Variants in WNK1 observed in about 807,000 individuals in gnomAD.
The protein encoded by WNK1 is WNK lysine deficient protein kinase 1.
Under a neutral mutation model 222.8 loss-of-function variants are expected in WNK1, and 38 were observed. That is an observed-to-expected ratio of 0.17 (90% CI 0.13 to 0.22). WNK1 has a LOEUF of 0.22. WNK1 is among the 10% of genes least tolerant of loss of function. WNK1 has a pLI of 1.00. For synonymous variants in WNK1, 1,090 were observed against 1,092.9 expected, an observed-to-expected ratio of 1.00 and a Z score of 0.05; for missense variants, 2,348 against 2,918.4, an observed-to-expected ratio of 0.80 and a Z score of 4.50.
At chr12:849,853 T>C (rs1950292469) in intron 4 of WNK1, among the ~76,000 whole-genome samples, 1 of 152,160 alleles carries the variant, frequency 6.6e-6, no homozygotes, top group South Asian at 2.1e-4. Context: ...TTGCTGAGAA[T>C]GATGGTTTCC....
At chr12:857,326 C>A in intron 5 of WNK1, 77 bp downstream of exon 5, 1 of 1,219,686 alleles carries the variant, frequency 8.2e-7, no homozygotes, top group Non-Finnish European at 1.2e-6. Context: ...AACACACATT[C>A]TACGGTGTAT....
rs150479679 is a variant in WNK1 at position 874,738 on chromosome 12, A to G, written c.2223+3390A>G. The stretch of plus-strand genomic sequence containing the variant: ...TAAGAACCCTATAAGTATAGATGCT[A>G]TAATTATTTCCATTTTACTGATGGG... On this transcript the variant is annotated intron_variant, in intron 9 of 27. Coordinates refer to ENST00000315939, the MANE Select transcript of WNK1 (RefSeq NM_018979.4). Among the ~76,000 whole-genome samples the G allele has an allele frequency of 3.9e-3, 601 of 152,312 alleles. 7 individuals are homozygous for G. Among genetic ancestry groups the G allele is most frequent in the African/African-American group, 0.014 (564 of 41,572 alleles).
At chr12:863,551 A>G (rs182735968) in intron 8 of WNK1, among the ~76,000 whole-genome samples, 13 of 152,078 alleles carry the variant, frequency 8.5e-5, no homozygotes, top group Non-Finnish European at 1.5e-5. Context: ...AGATTTTGCT[A>G]AGACTTTTTT....
At position 827,389 on chromosome 12, in the gene WNK1, ATCCATTGTACTTATGAGATATAGGATT is replaced by A; in HGVS notation, c.1153+128_1153+154del. 1.2e-6 allele frequency: 1 copy of A among 808,540 alleles called. No individual in the cohort carries two copies. Among genetic ancestry groups the A allele is most frequent in the Non-Finnish European group, 2.1e-6 (1 of 471,168 alleles). 50.1% of individuals were successfully genotyped at this position (808,540 alleles called of 1,614,324 possible). On this transcript the variant is annotated intron_variant, in intron 3 of 27. Coordinates refer to ENST00000315939, the MANE Select transcript of WNK1 (RefSeq NM_018979.4). This position sits in a 1 kb window ranked among gnomAD's most constrained non-coding sequence, Gnocchi z 4.6. ...ATTCATAGCTTGAACTCAGGAGGTG[ATCCATTGTACTTATGAGATATAGGATT>A]CTCTATATTTGTGCTTCTTGGAATC...
At chr12:787,905 T>C (rs777321550) in intron 1 of WNK1, among the ~76,000 whole-genome samples, 6 of 152,158 alleles carry the variant, frequency 3.9e-5, no homozygotes, top group Non-Finnish European at 5.9e-5. Flanking sequence ...ACAAAACCAT[T>C]AGGAGATTTT....
Position 865,108 on chromosome 12 carries a change from A to G in WNK1, c.2139+2838A>G, listed in dbSNP as rs745987335. On this transcript the variant is annotated intron_variant, in intron 8 of 27. Transcript: ENST00000315939. Reference sequence around the variant, plus strand: ...TCATGTGTGTGTTTGTTTTGTGTTGAGCCTCGTCGTGGCCGTAGCATGTCG... The same window carrying G: ...TCATGTGTGTGTTTGTTTTGTGTTGGGCCTCGTCGTGGCCGTAGCATGTCG... The G allele has an allele frequency of 1.3e-5, 20 of 1,509,558 alleles. No homozygotes were observed. In the South Asian group the frequency reaches 2.1e-4, roughly 16 times the overall value. 93.5% of individuals were successfully genotyped at this position (1,509,558 alleles called of 1,614,324 possible). A position where few individuals can be genotyped will look rare whatever the true frequency, so the allele number is the denominator to read the frequency against.
At chr12:870,979 C>T (rs553941035) in intron 8 of WNK1, among the ~76,000 whole-genome samples, 7 of 152,292 alleles carry the variant, frequency 4.6e-5, no homozygotes, top group East Asian at 1.9e-4. Context: ...ATGAATCTGA[C>T]GATTCTAGCC....
Position 879,892 on chromosome 12 carries a change from C to A in WNK1, c.2693C>A (p.Thr898Asn), listed in dbSNP as rs1952994299. The change falls in exon 11 of 28, where the codon ACC becomes AAC. Residue 898 changes from threonine (T) to asparagine (N), a missense_variant. Physicochemically the swap from Thr to Asn is moderately conservative, Grantham distance 65 (BLOSUM62 0). Coordinates refer to ENST00000315939, the MANE Select transcript of WNK1 (RefSeq NM_018979.4). ...VSTVVPSQLP[T>N]LLQPVTQLPS... ...ACTGTGGTTCCTAGTCAGCTTCCAACCCTTCTGCAGCCTGTGACTCAGCTG... is the reference window on the plus strand; with the variant it reads ...ACTGTGGTTCCTAGTCAGCTTCCAAACCTTCTGCAGCCTGTGACTCAGCTG... The A allele has an allele frequency of 1.2e-6, 2 of 1,614,164 alleles. No homozygotes were observed. Among genetic ancestry groups the A allele is most frequent in the Non-Finnish European group, 1.7e-6 (2 of 1,180,008 alleles).
chr12:895,060 A>C (rs2154093755), intron 23 of WNK1, among the ~76,000 whole-genome samples: 1 of 152,294 alleles, frequency 6.6e-6, no homozygotes, highest in Non-Finnish European at 1.5e-5. Flanking sequence ...GTAACAGCAA[A>C]CATCTTTGTG....
At chr12:786,850 C>A (rs776557322) in intron 1 of WNK1, among the ~76,000 whole-genome samples, 1 of 151,856 alleles carries the variant, frequency 6.6e-6, no homozygotes, top group African/African-American at 2.4e-5. Flanking sequence ...AAAGCCTGTT[C>A]CACAGGTTTT....
intron 1 of WNK1, among the ~76,000 whole-genome samples, chr12:802,199 C>A (rs1945946708): frequency 6.6e-6 from 1 of 152,136 alleles, no homozygotes; most frequent in South Asian, 2.1e-4. Context: ...CCCAAAATTT[C>A]TTTTAATAAC....
intron 4 of WNK1, 68 bp downstream of exon 4, chr12:830,228 A>G: frequency 6.4e-7 from 1 of 1,560,064 alleles, no homozygotes; most frequent in Non-Finnish European, 8.8e-7. Context: ...GGTGGATGAC[A>G]TCAAACCATG....
At chr12:807,008 C>T (rs1197274668) in intron 1 of WNK1, among the ~76,000 whole-genome samples, 3 of 152,088 alleles carry the variant, frequency 2.0e-5, no homozygotes, top group African/African-American at 2.4e-5. Flanking sequence ...GGCTAGATCT[C>T]CCTATAAATT....
In WNK1 at chr12:871,213, T is replaced by A. The variant is rs1952115789; in HGVS notation, c.2140-52T>A. On this transcript the variant is annotated intron_variant, in intron 8 of 27. Coordinates refer to ENST00000315939, the MANE Select transcript of WNK1 (RefSeq NM_018979.4). The stretch of plus-strand genomic sequence containing the variant: ...ATTCATTGCAAAAGCCTGACCTCTA[T>A]ACACTTACTTTAGGCCTTCTCTAAT... 2.0e-5 allele frequency: 30 copies of A among 1,537,204 alleles called. No individual in the cohort carries two copies. In the South Asian group the frequency reaches 3.4e-4, roughly 17 times the overall value.
chr12:823,900 C>CTTTT (rs10543848), intron 2 of WNK1, among the ~76,000 whole-genome samples: 1 of 101,440 alleles, frequency 9.9e-6, no homozygotes, highest in African/African-American at 3.8e-5. Flanking sequence ...TCAGAGACAT[C>CTTTT]TTTTTTTTTT....
At position 829,909 on chromosome 12, in the gene WNK1, C is replaced by T. The variant is rs1948663376; in HGVS notation, c.1154-94C>T. The stretch of plus-strand genomic sequence containing the variant: ...TTTTTTCTCCCCATTCCAATTTCTT[C>T]TCTCTCACAGGTCAACCCCTCTGCT... On this transcript the variant is annotated intron_variant, in intron 3 of 27. Coordinates refer to ENST00000315939, the MANE Select transcript of WNK1 (RefSeq NM_018979.4). 1.5e-5 allele frequency: 20 copies of T among 1,361,110 alleles called. No homozygotes were observed. The South Asian group carries it at 1.9e-4, about 13-fold the overall frequency. The allele number at this position is 1,361,110 out of a possible 1,614,324, so 84.3% of individuals were successfully genotyped here. A position where few individuals can be genotyped will look rare whatever the true frequency, so the allele number is the denominator to read the frequency against.
intron 1 of WNK1, among the ~76,000 whole-genome samples, chr12:794,988 G>GTGA (rs1565440727): frequency 3.3e-5 from 5 of 152,102 alleles, no homozygotes; most frequent in Non-Finnish European, 7.4e-5. Flanking sequence ...CTAACCTCAA[G>GTGA]TGATCCTCCT....
At chr12:865,730 A>G (rs1486967783) in intron 8 of WNK1, among the ~76,000 whole-genome samples, 1 of 152,186 alleles carries the variant, frequency 6.6e-6, no homozygotes, top group Non-Finnish European at 1.5e-5. Flanking sequence ...AATTTTATCA[A>G]ACATTACCCA....
chr12:864,109 A>ATTTTTTTTTTTTTTTTTTTTTTT, intron 8 of WNK1, among the ~76,000 whole-genome samples: 1 of 131,094 alleles, frequency 7.6e-6, no homozygotes, highest in African/African-American at 3.1e-5. Flanking sequence ...CATTTTTTTA[A>ATTTTTTTTTTTTTTTTTTTTTTT]GTTTTTTTTT....
Sources: gnomAD v4.1 joint callset for allele counts (sites outside exome capture counted in the v4.1 genomes callset) on GRCh38, gnomAD v4.1.1 for gene constraint, Gnocchi (gnomAD v3.1) non-coding constraint, MANE v1.5 for transcripts, NCBI Gene and HGNC (gene_info 2026-07-23, HGNC 2026-07-21) for gene names.